Variants in GAS7 observed in about 807,000 individuals in gnomAD.
GAS7 encodes the protein growth arrest specific 7, also known as growth arrest-specific protein 7.
A neutral mutation model predicts 71.1 loss-of-function variants in GAS7; 28 were observed. The ratio of observed to expected loss-of-function variants is 0.39; its 90% CI spans 0.29 to 0.54. The LOEUF (loss-of-function observed/expected upper bound fraction) is 0.54. Among genes scored for constraint, GAS7 ranks in the 20% least tolerant of loss-of-function variants. The pLI is 0.62. For synonymous variants in GAS7, 258 were observed against 245.8 expected (o/e 1.05, Z -0.46); for missense variants, 436 against 627.8 (o/e 0.69, Z 3.27).
At chr17:10,138,827 C>T (rs915182588) in intron 1 of GAS7, among the ~76,000 whole-genome samples, 1 of 152,086 alleles carries the variant, frequency 6.6e-6, no homozygotes, top group African/African-American at 2.4e-5. Context: ...ATCGAGGTTT[C>T]CAGGTACTCT....
At chr17:10,197,188 T>C (rs747689156) in intron 1 of GAS7, among the ~76,000 whole-genome samples, 23 of 152,004 alleles carry the variant, frequency 1.5e-4, no homozygotes, top group African/African-American at 2.7e-4. Flanking sequence ...CCCCGATGAA[T>C]TGCACTGAGC....
At chr17:9,960,527 C>T (rs113828524) in intron 4 of GAS7, among the ~76,000 whole-genome samples, 2 of 152,214 alleles carry the variant, frequency 1.3e-5, no homozygotes, top group African/African-American at 4.8e-5. Flanking sequence ...AAGGAAGTGG[C>T]TGTCACTTTA....
intron 2 of GAS7, among the ~76,000 whole-genome samples, chr17:9,991,996 T>C (rs1480438989): frequency 1.3e-5 from 2 of 152,172 alleles, no homozygotes; most frequent in Non-Finnish European, 1.5e-5. Context: ...TGGAGCCACT[T>C]GTTAGAAATA....
intron 1 of GAS7, among the ~76,000 whole-genome samples, chr17:10,114,198 G>A (rs1030298053): frequency 2.0e-5 from 3 of 152,102 alleles, no homozygotes; most frequent in African/African-American, 7.2e-5. Flanking sequence ...AAAGTGCTGA[G>A]ATTACAGGCA....
At chr17:9,938,776 T>C (rs2068493285) in intron 8 of GAS7, among the ~76,000 whole-genome samples, 1 of 152,130 alleles carries the variant, frequency 6.6e-6, no homozygotes, top group Non-Finnish European at 1.5e-5. Flanking sequence ...TCACAACCCA[T>C]TCCCCTCCTC....
chr17:10,180,300 C>T (rs1304930678), intron 1 of GAS7, among the ~76,000 whole-genome samples: 2 of 141,796 alleles, frequency 1.4e-5, no homozygotes, highest in Admixed American at 7.3e-5. Context: ...AAGACCACTC[C>T]AGCCTGGAGG....
Position 10,020,441 on chromosome 17 carries a change from C to G in GAS7, c.184-544G>C, listed in dbSNP as rs570022436. On this transcript the variant is annotated intron_variant, in intron 1 of 13. Coordinates refer to ENST00000432992, the MANE Select transcript of GAS7 (RefSeq NM_201433.2). ...TCTCTCGCCAAGGGTCCAGATCACT[C>G]TGGCAAAAAGAACGAGGACTCGGAG... is the stretch of plus-strand genomic sequence containing the variant. 4.6e-5 allele frequency among the ~76,000 whole-genome samples: 7 copies of G among 152,334 alleles called. No individual in the cohort carries two copies. The South Asian group carries it at 1.4e-3, about 32-fold the overall frequency.
At chr17:10,031,066 G>A (rs1279325049) in intron 1 of GAS7, among the ~76,000 whole-genome samples, 1 of 152,198 alleles carries the variant, frequency 6.6e-6, no homozygotes, top group African/African-American at 2.4e-5. Context: ...CATCATAAGA[G>A]GTAGACATTA....
chr17:10,159,065 C>CATATATATATATATGTATATATATAT (rs2074229262), intron 1 of GAS7, among the ~76,000 whole-genome samples: 1 of 60,014 alleles, frequency 1.7e-5, no homozygotes, highest in Non-Finnish European at 2.9e-5. Flanking sequence ...GTCTCTAAAA[C>CATATATATATATATGTATATATATAT]ATATATATAT....
chr17:10,048,259 G>A (rs372672038), intron 1 of GAS7, among the ~76,000 whole-genome samples: 9 of 152,318 alleles, frequency 5.9e-5, no homozygotes, highest in East Asian at 3.9e-4. Flanking sequence ...CGGTGATCGC[G>A]CCATTGCAAC....
At chr17:10,088,442 CA>C (rs56123324) in intron 1 of GAS7, among the ~76,000 whole-genome samples, 1,716 of 152,010 alleles carry the variant, frequency 0.011, 17 homozygotes, top group South Asian at 0.019. Flanking sequence ...CAGGCTGAGG[CA>C]ATGAGGGGTT....
chr17:10,045,344 A>C (rs913094965), intron 1 of GAS7, among the ~76,000 whole-genome samples: 1 of 152,198 alleles, frequency 6.6e-6, no homozygotes, highest in Admixed American at 6.5e-5. Flanking sequence ...TTTCTTGTAC[A>C]TATCATGGTA....
chr17:10,031,668 G>C (rs1162033079), intron 1 of GAS7, among the ~76,000 whole-genome samples: 1 of 152,144 alleles, frequency 6.6e-6, no homozygotes, highest in Non-Finnish European at 1.5e-5. Flanking sequence ...CCTGCTGTAC[G>C]AATGTAAGAC....
chr17:9,956,919 C>G (rs1444891076), intron 5 of GAS7, among the ~76,000 whole-genome samples: 2 of 152,172 alleles, frequency 1.3e-5, no homozygotes, highest in African/African-American at 4.8e-5. Flanking sequence ...GGATCAGAAC[C>G]CAGAGGAAGA....
At chr17:10,136,393 G>A (rs540699910) in intron 1 of GAS7, among the ~76,000 whole-genome samples, 14 of 152,290 alleles carry the variant, frequency 9.2e-5, no homozygotes, top group Middle Eastern at 6.8e-3. Context: ...GGCTAAGCTC[G>A]GGGTTTCTCC....
chr17:10,109,978 C>T (rs1316973536), intron 1 of GAS7, among the ~76,000 whole-genome samples: 5 of 146,376 alleles, frequency 3.4e-5, no homozygotes, highest in East Asian at 2.1e-4. Flanking sequence ...CACTTGAACC[C>T]GGGAGGTGGA....
intron 5 of GAS7, among the ~76,000 whole-genome samples, chr17:9,953,650 T>C (rs534990690): frequency 6.6e-4 from 101 of 152,404 alleles, no homozygotes; most frequent in African/African-American, 2.2e-3. Flanking sequence ...ATGGGCTATT[T>C]GCTCGTTCAC....
intron 1 of GAS7, among the ~76,000 whole-genome samples, chr17:10,122,327 T>G (rs2073911235): frequency 6.6e-6 from 1 of 152,102 alleles, no homozygotes; most frequent in African/African-American, 2.4e-5. Flanking sequence ...GAAACCCTCA[T>G]CCTTCCTCTC....
chr17:9,982,710 A>G (rs1351574468), intron 2 of GAS7, among the ~76,000 whole-genome samples: 2 of 151,844 alleles, frequency 1.3e-5, no homozygotes, highest in African/African-American at 4.8e-5. Flanking sequence ...TGGGAGGCAG[A>G]GGTTGCAGTG....
Sources: gnomAD v4.1 joint callset for allele counts (sites outside exome capture counted in the v4.1 genomes callset) on GRCh38, gnomAD v4.1.1 for gene constraint, MANE v1.5 for transcripts, NCBI Gene and HGNC (gene_info 2026-07-23, HGNC 2026-07-21) for gene names.